Variants in SLC30A4 observed in about 807,000 individuals in gnomAD.
SLC30A4 encodes the protein solute carrier family 30 member 4, also known as probable proton-coupled zinc antiporter SLC30A4.
In SLC30A4, 20 loss-of-function variants were observed where a neutral mutation model predicts 41.7. The ratio of observed to expected loss-of-function variants is 0.48; its 90% CI spans 0.34 to 0.70. The LOEUF (loss-of-function observed/expected upper bound fraction) is 0.70. Ranked by LOEUF, SLC30A4 falls within the 30% of genes least tolerant of loss-of-function variation. The probability of loss-of-function intolerance (pLI) is 0.01; values close to 1 mark genes in which losing one functional copy is unlikely to be tolerated. For synonymous variants in SLC30A4, 181 were observed against 195.9 expected (o/e 0.92, Z 0.64); for missense variants, 441 against 529.3 (o/e 0.83, Z 1.64).
At chr15:45,507,815 T>A (rs1039299097) in intron 3 of SLC30A4, among the ~76,000 whole-genome samples, 1 of 152,140 alleles carries the variant, frequency 6.6e-6, no homozygotes, top group Non-Finnish European at 1.5e-5. Flanking sequence ...TTACTTCTCT[T>A]TCCTTTAGGG....
In SLC30A4 at chr15:45,481,892, T is replaced by G. The variant is rs536616570; in HGVS notation, c.*3271A>C. Reference sequence around the variant, plus strand: ...AAGCACAGGAAACTTTATGTGTACCTCACTTTAAGCAGAACACGATAGTTA... The same window carrying G: ...AAGCACAGGAAACTTTATGTGTACCGCACTTTAAGCAGAACACGATAGTTA... On this transcript the variant is annotated 3_prime_UTR_variant, in exon 8 of 8. Coordinates refer to ENST00000261867, the MANE Select transcript of SLC30A4 (RefSeq NM_013309.6). 2.0e-5 allele frequency: 3 copies of G among 151,944 alleles called. No individual in the cohort carries two copies. Among genetic ancestry groups the G allele is most frequent in the African/African-American group, 7.2e-5 (3 of 41,430 alleles). The allele number at this position is 151,944 out of a possible 1,614,324, so 9.4% of individuals were successfully genotyped here. A position where few individuals can be genotyped will look rare whatever the true frequency, so the allele number is the denominator to read the frequency against.
At chr15:45,521,852 T>G (rs576715383) in intron 2 of SLC30A4, 112 bp downstream of exon 2, 2 of 1,109,968 alleles carry the variant, frequency 1.8e-6, no homozygotes, top group Non-Finnish European at 2.6e-6. Flanking sequence ...AGTGTCTTGA[T>G]AAATACAAAC....
intron 2 of SLC30A4, among the ~76,000 whole-genome samples, chr15:45,517,644 C>T (rs767441725): frequency 6.6e-5 from 10 of 152,036 alleles, no homozygotes; most frequent in Admixed American, 2.0e-4. Flanking sequence ...TTGTTACTCT[C>T]CTGCTTAAAA....
rs151172886 is a variant in SLC30A4, at chr15:45,488,135, G to A, written c.895-503C>T. Among the ~76,000 whole-genome samples, 96 of 152,228 alleles carry A rather than the reference G, an allele frequency of 6.3e-4. 1 individual carries two copies. Among genetic ancestry groups the A allele is most frequent in the African/African-American group, 2.2e-3 (91 of 41,534 alleles). ...AGTTTAAGCCCCTTGTAATAAAGAA[G>A]AGGGAACTCAAGTTTAGAGTTCAGG... On this transcript the variant is annotated intron_variant, in intron 5 of 7. Coordinates refer to ENST00000261867, the MANE Select transcript of SLC30A4 (RefSeq NM_013309.6).
At chr15:45,520,932 G>A (rs1892647754) in intron 2 of SLC30A4, 1 of 416,278 alleles carries the variant, frequency 2.4e-6, no homozygotes, top group South Asian at 1.8e-5. Flanking sequence ...CACTTTGAAC[G>A]CCTTAGAGGC....
chr15:45,514,238 G>A (rs993226159), intron 2 of SLC30A4, among the ~76,000 whole-genome samples: 3 of 151,748 alleles, frequency 2.0e-5, no homozygotes, highest in African/African-American at 7.3e-5. Flanking sequence ...CCAGCTACTC[G>A]GGTGCTGAGG....
chr15:45,481,975 C>G lies in SLC30A4; in HGVS notation c.*3188G>C, dbSNP rs368012699. The G allele has an allele frequency of 6.9e-6, 1 of 145,876 alleles. No homozygotes were observed. The highest frequency in any genetic ancestry group is 7.2e-5 in the Admixed American group (1 of 13,898). 9.0% of individuals were successfully genotyped at this position (145,876 alleles called of 1,614,324 possible). On this transcript the variant is annotated 3_prime_UTR_variant, in exon 8 of 8. Transcript: ENST00000261867. ...TAGCTCACACCCTGTAATCTCAGCA[C>G]TTTGGGAGCCCGAGGTGGAAGGATT...
intron 2 of SLC30A4, among the ~76,000 whole-genome samples, chr15:45,511,615 C>G (rs1005614618): frequency 6.6e-6 from 1 of 152,174 alleles, no homozygotes; most frequent in Non-Finnish European, 1.5e-5. Context: ...TCCCGAGTAG[C>G]TGGGACTACA....
rs1486987163 is a variant in SLC30A4, at chr15:45,481,106, TG to T, written c.*4056del. 1.3e-5 allele frequency: 2 copies of T among 152,238 alleles called. No homozygotes were observed. The highest frequency in any genetic ancestry group is 4.8e-5 in the African/African-American group (2 of 41,460). The allele number at this position is 152,238 out of a possible 1,614,324, so 9.4% of individuals were successfully genotyped here. A position where few individuals can be genotyped will look rare whatever the true frequency, so the allele number is the denominator to read the frequency against. ...GACAAACACTGTCAGGTGGAACACC[TG>T]GGTTCAAAAGGAACACTAAGTCTCG... On this transcript the variant is annotated 3_prime_UTR_variant, in exon 8 of 8. Coordinates refer to ENST00000261867, the MANE Select transcript of SLC30A4 (RefSeq NM_013309.6).
chr15:45,520,817 T>C (rs1026370106), intron 2 of SLC30A4: 3 of 322,712 alleles, frequency 9.3e-6, no homozygotes, highest in African/African-American at 2.2e-5. Context: ...TATATTCTCA[T>C]ACATATGTAT....
rs1388115996 is a variant in SLC30A4 at position 45,481,360 on chromosome 15, A to G, written c.*3803T>C. 5 of 152,220 alleles carry G rather than the reference A, an allele frequency of 3.3e-5. No homozygotes were observed. The highest frequency in any genetic ancestry group is 6.5e-5 in the Admixed American group (1 of 15,276). The allele number at this position is 152,220 out of a possible 1,614,324, so 9.4% of individuals were successfully genotyped here. A position where few individuals can be genotyped will look rare whatever the true frequency, so the allele number is the denominator to read the frequency against. On this transcript the variant is annotated 3_prime_UTR_variant, in exon 8 of 8. Coordinates refer to ENST00000261867, the MANE Select transcript of SLC30A4 (RefSeq NM_013309.6). ...AACCTTCTGAGACATGCTTTCTTCAATTACACTCCCATTATGTTTCTAAGG... is the reference window on the plus strand; with the variant it reads ...AACCTTCTGAGACATGCTTTCTTCAGTTACACTCCCATTATGTTTCTAAGG...
At chr15:45,507,092 C>A (rs1293038039) in intron 3 of SLC30A4, among the ~76,000 whole-genome samples, 1 of 151,950 alleles carries the variant, frequency 6.6e-6, no homozygotes, top group East Asian at 1.9e-4. Flanking sequence ...GAGGCCGAGG[C>A]GGGTGGATCA....
At chr15:45,492,776 G>A (rs1183081438) in intron 3 of SLC30A4, among the ~76,000 whole-genome samples, 2 of 152,050 alleles carry the variant, frequency 1.3e-5, no homozygotes, top group African/African-American at 2.4e-5. Context: ...ATAATCACCT[G>A]TAAATGCAAT....
Position 45,487,578 on chromosome 15 carries a change from C to A in SLC30A4, c.949G>T (p.Ala317Ser). ...ICTYVFSLLV[A>S]FTTFRIIWDT... ...CATATGATTCGAAATGTTGTAAAAG[C>A]CACAAGTAATGAAAATACGTATGTA... Residue 317 changes from alanine (A) to serine (S), a missense_variant, in exon 6 of 8, where the codon GCT (alanine) becomes TCT (serine). Transcript: ENST00000261867. The A allele has an allele frequency of 6.3e-7, 1 of 1,582,534 alleles. No homozygotes were observed. Among genetic ancestry groups the A allele is most frequent in the Non-Finnish European group, 8.7e-7 (1 of 1,152,120 alleles).
chr15:45,510,068 A>C (rs1024043544), intron 3 of SLC30A4, among the ~76,000 whole-genome samples: 3 of 151,158 alleles, frequency 2.0e-5, no homozygotes, highest in African/African-American at 7.3e-5. Context: ...CAAGAAGATC[A>C]CACCACTGCA....
intron 3 of SLC30A4, among the ~76,000 whole-genome samples, chr15:45,505,486 G>T (rs35268622): frequency 0.034 from 5,152 of 152,240 alleles, 167 homozygotes; most frequent in Non-Finnish European, 0.052. Context: ...GCTTCCTCAT[G>T]CAGAATCCCA....
chr15:45,517,840 C>T (rs1411903363), intron 2 of SLC30A4, among the ~76,000 whole-genome samples: 1 of 151,952 alleles, frequency 6.6e-6, no homozygotes, highest in African/African-American at 2.4e-5. Flanking sequence ...CCCAGCTACT[C>T]AGGAGGCTGA....
chr15:45,504,798 G>T, intron 3 of SLC30A4, among the ~76,000 whole-genome samples: 1 of 152,152 alleles, frequency 6.6e-6, no homozygotes, highest in Non-Finnish European at 1.5e-5. Flanking sequence ...GAGGCACAAA[G>T]ATGTTAGGTA....
In SLC30A4 at chr15:45,482,587, A is replaced by G. The variant is rs1891619388; in HGVS notation, c.*2576T>C. On this transcript the variant is annotated 3_prime_UTR_variant, in exon 8 of 8. Transcript: ENST00000261867. ...TAAAAAAATGATTAGAGTATGATGA[A>G]TATTTTTTTCCTTTCTACTTGCTAG... 1 of 152,156 alleles carries G rather than the reference A, an allele frequency of 6.6e-6. No homozygotes were observed. The highest frequency in any genetic ancestry group is 2.4e-5 in the African/African-American group (1 of 41,432). The allele number at this position is 152,156 out of a possible 1,614,324, so 9.4% of individuals were successfully genotyped here.
Sources: allele counts gnomAD v4.1 joint callset (sites outside exome capture counted in the v4.1 genomes callset), GRCh38; gene constraint gnomAD v4.1.1; transcripts MANE v1.5; gene names NCBI Gene and HGNC (gene_info 2026-07-23, HGNC 2026-07-21).